SLC4A4: variants seen among roughly 807,000 people sequenced by gnomAD.
SLC4A4 encodes solute carrier family 4 member 4, also known as electrogenic sodium bicarbonate cotransporter 1.
A neutral mutation model predicts 111.5 loss-of-function variants in SLC4A4; 27 were observed. That is an observed-to-expected ratio of 0.24 (90% confidence interval 0.18 to 0.33). The LOEUF (loss-of-function observed/expected upper bound fraction) is 0.33. Among genes scored for constraint, SLC4A4 ranks in the 10% least tolerant of loss-of-function variants. The probability of loss-of-function intolerance (pLI) is 1.00; values close to 1 mark genes in which losing one functional copy is unlikely to be tolerated. For missense variants in SLC4A4, 909 were observed against 1,315.5 expected, an observed-to-expected ratio of 0.69 and a Z score of 4.78; for synonymous variants, 443 against 463.4, an observed-to-expected ratio of 0.96 and a Z score of 0.57.
chr4:71,306,989 A>G (rs1725742058), intron 3 of SLC4A4, among the ~76,000 whole-genome samples: 2 of 152,110 alleles, frequency 1.3e-5, no homozygotes, highest in African/African-American at 2.4e-5. Context: ...CCAGATTCTG[A>G]TTTTTCTTCA....
chr4:71,520,413 C>T (rs1343120336), intron 16 of SLC4A4, among the ~76,000 whole-genome samples: 1 of 152,174 alleles, frequency 6.6e-6, no homozygotes, highest in Non-Finnish European at 1.5e-5. Context: ...TACTTCTTGA[C>T]TAGTGGAAAC....
chr4:71,116,023 T>C (rs1743234620), intron 2 of SLC4A4, among the ~76,000 whole-genome samples: 1 of 152,128 alleles, frequency 6.6e-6, no homozygotes, highest in African/African-American at 2.4e-5. Flanking sequence ...GCCTCCTGAG[T>C]AGCTGGGTCT....
intron 1 of SLC4A4, among the ~76,000 whole-genome samples, chr4:71,195,382 GA>G (rs1745948582): frequency 6.6e-6 from 1 of 151,890 alleles, no homozygotes. Context: ...ATTTTATAAG[GA>G]CGTTTACATA....
intron 2 of SLC4A4, among the ~76,000 whole-genome samples, chr4:71,143,514 G>C (rs1744070104): frequency 6.6e-6 from 1 of 152,112 alleles, no homozygotes; most frequent in Non-Finnish European, 1.5e-5. Flanking sequence ...GATCCCTGAG[G>C]AATCACCACA....
intron 7 of SLC4A4, among the ~76,000 whole-genome samples, chr4:71,403,377 A>G (rs1720544633): frequency 6.6e-6 from 1 of 152,228 alleles, no homozygotes; most frequent in Non-Finnish European, 1.5e-5. Flanking sequence ...AAACAGATAA[A>G]TCTTTTGACT....
At chr4:71,117,591 T>C (rs1743303361) in intron 2 of SLC4A4, among the ~76,000 whole-genome samples, 1 of 152,094 alleles carries the variant, frequency 6.6e-6, no homozygotes, top group Non-Finnish European at 1.5e-5. Flanking sequence ...TTCTCTAAAA[T>C]GAAAGTAAAG....
intron 12 of SLC4A4, among the ~76,000 whole-genome samples, chr4:71,456,436 A>G (rs1234171272): frequency 6.6e-6 from 1 of 152,164 alleles, no homozygotes; most frequent in Non-Finnish European, 1.5e-5. Flanking sequence ...GAGTAAGGTG[A>G]TTTAATGTGG....
intron 2 of SLC4A4, among the ~76,000 whole-genome samples, chr4:71,119,391 T>C (rs1743355749): frequency 6.6e-6 from 1 of 151,888 alleles, no homozygotes; most frequent in Admixed American, 6.6e-5. Context: ...TTCTTTTTCC[T>C]TTTTTTTAGT....
At chr4:71,482,115 T>A (rs549836551) in intron 14 of SLC4A4, among the ~76,000 whole-genome samples, 8 of 151,820 alleles carry the variant, frequency 5.3e-5, no homozygotes, top group Middle Eastern at 3.4e-3. Flanking sequence ...TAACCAACGG[T>A]TCTTGTAGAC....
chr4:71,308,709 A>G (rs900778432), intron 3 of SLC4A4, among the ~76,000 whole-genome samples: 1 of 152,126 alleles, frequency 6.6e-6, no homozygotes, highest in South Asian at 2.1e-4. Flanking sequence ...GGTTTTTGCA[A>G]TCCGCAGACC....
upstream of SLC4A4, among the ~76,000 whole-genome samples, chr4:71,186,494 G>A (rs1374002532): frequency 6.6e-6 from 1 of 152,182 alleles, no homozygotes; most frequent in Non-Finnish European, 1.5e-5. Context: ...CCCAGCCCAG[G>A]GCGTGAGAGA....
At chr4:71,238,503 C>T (rs963436806) in intron 2 of SLC4A4, among the ~76,000 whole-genome samples, 1 of 152,096 alleles carries the variant, frequency 6.6e-6, no homozygotes, top group African/African-American at 2.4e-5. Context: ...ATGATTAAAC[C>T]GTCCAAATGG....
rs191408995 is a variant in SLC4A4 at position 71,160,138 on chromosome 4, G to T, written c.-2+67346G>T. Among the ~76,000 whole-genome samples the T allele has an allele frequency of 4.5e-4, 68 of 152,078 alleles. 2 individuals are homozygous for T. In the East Asian group the frequency reaches 0.012, roughly 28 times the overall value. ...TGAAAACTCAGCGTTAGAGAAACTAGGTAACATCAACCAAAGATATGCAGC... is the reference window on the plus strand; with the variant it reads ...TGAAAACTCAGCGTTAGAGAAACTATGTAACATCAACCAAAGATATGCAGC... On this transcript the variant is annotated intron_variant, in intron 2 of 26. Coordinates refer to the SLC4A4 transcript ENST00000649996.
chr4:71,125,550 ACT>A (rs1358339498), intron 2 of SLC4A4, among the ~76,000 whole-genome samples: 7 of 152,188 alleles, frequency 4.6e-5, no homozygotes, highest in Non-Finnish European at 1.0e-4. Context: ...ACAGAGCCAG[ACT>A]CTCTCTAAAA....
At chr4:71,095,191 T>G (rs1054181054) in intron 2 of SLC4A4, among the ~76,000 whole-genome samples, 1 of 152,210 alleles carries the variant, frequency 6.6e-6, no homozygotes, top group Non-Finnish European at 1.5e-5. Flanking sequence ...TCTCTACCAC[T>G]CTTTGGTGAA....
intron 2 of SLC4A4, among the ~76,000 whole-genome samples, chr4:71,101,216 G>A (rs141370977): frequency 0.014 from 2,160 of 152,092 alleles, 64 homozygotes; most frequent in African/African-American, 0.049. Flanking sequence ...CTGAGATTGC[G>A]CCACTGCACT....
intron 2 of SLC4A4, among the ~76,000 whole-genome samples, chr4:71,248,055 G>A (rs1720805346): frequency 6.6e-6 from 1 of 152,144 alleles, no homozygotes; most frequent in African/African-American, 2.4e-5. Flanking sequence ...GTTATGGAAG[G>A]TGCTGCCTTT....
chr4:71,220,697 T>C (rs1025473486), intron 1 of SLC4A4, among the ~76,000 whole-genome samples: 1 of 152,132 alleles, frequency 6.6e-6, no homozygotes, highest in African/African-American at 2.4e-5. Flanking sequence ...AGAGTGTTTT[T>C]ATTTTATTTT....
chr4:71,065,187 GC>G lies in SLC4A4; in HGVS notation c.-65+2401del, dbSNP rs1741485207. ...GGCATTTATAAGATTTTTGTCATGA[GC>G]CATCCTTGTCTAAGTTTCTATTATA... On this transcript the variant is annotated intron_variant, in intron 1 of 26. Coordinates refer to the SLC4A4 transcript ENST00000649996. 5.9e-5 allele frequency among the ~76,000 whole-genome samples: 9 copies of G among 152,216 alleles called. No individual in the cohort carries two copies. In the South Asian group the frequency reaches 1.7e-3, roughly 28 times the overall value.
Sources: gnomAD v4.1 joint callset for allele counts (sites outside exome capture counted in the v4.1 genomes callset) on GRCh38, gnomAD v4.1.1 for gene constraint, MANE v1.5 for transcripts, NCBI Gene and HGNC (gene_info 2026-07-23, HGNC 2026-07-21) for gene names.